The following DOCK10 variants were observed in gnomAD, a reference collection of about 807,000 sequenced individuals.
The protein encoded by DOCK10 is dedicator of cytokinesis 10.
A neutral mutation model predicts 280.1 loss-of-function variants in DOCK10; 145 were observed. The ratio of observed to expected loss-of-function variants is 0.52; its 90% confidence interval spans 0.45 to 0.59. The LOEUF (loss-of-function observed/expected upper bound fraction) is 0.59, where lower values mean the gene tolerates loss of function less well. Among genes scored for constraint, DOCK10 ranks in the 20% least tolerant of loss-of-function variants. DOCK10 has a pLI of 0.00. For synonymous variants in DOCK10, 915 were observed against 942.2 expected (o/e 0.97, Z 0.53); for missense variants, 2,368 against 2,651.7 (o/e 0.89, Z 2.35).
intron 1 of DOCK10, among the ~76,000 whole-genome samples, chr2:224,974,644 A>C (rs1235590404): frequency 6.6e-6 from 1 of 151,228 alleles, no homozygotes. Flanking sequence ...AAAAATTAAC[A>C]GACGTTTTAT....
intron 1 of DOCK10, among the ~76,000 whole-genome samples, chr2:224,969,182 G>A (rs1704942517): frequency 6.6e-6 from 1 of 152,128 alleles, no homozygotes; most frequent in African/African-American, 2.4e-5. Flanking sequence ...TCTCAAATGG[G>A]GGTACCAGAT....
chr2:224,886,520 T>C lies in DOCK10; in HGVS notation c.428A>G (p.Lys143Arg). ...DIRQLPRAEY[K>R]PEKLPSHSFE... ...GGAATGTGAAGGAAGCTTCTCTGGT[T>C]TGTATTCTGCTCTGATATTAAAAAA... The change falls in exon 5 of 56, where the codon AAA (lysine) becomes AGA (arginine). Residue 143 changes from lysine (K) to arginine (R), a missense_variant. By Grantham distance (26) the Lys-to-Arg change is conservative. This residue lies in a region of DOCK10 where 1,209 missense variants were observed against 1,250.9 expected (regional missense o/e 0.97). Transcript: ENST00000258390. 1 of 1,607,060 alleles carries C rather than the reference T, an allele frequency of 6.2e-7. No homozygotes were observed. The highest frequency in any genetic ancestry group is 1.7e-5 in the Admixed American group (1 of 59,902).
chr2:224,965,368 G>C (rs1704678189), intron 1 of DOCK10, among the ~76,000 whole-genome samples: 1 of 152,088 alleles, frequency 6.6e-6, no homozygotes, highest in African/African-American at 2.4e-5. Context: ...GGCATTCTTG[G>C]GCACCCTTTC....
intron 1 of DOCK10, among the ~76,000 whole-genome samples, chr2:224,985,469 A>T (rs1017318500): frequency 6.6e-6 from 1 of 152,014 alleles, no homozygotes. Flanking sequence ...CTTGTTTCAA[A>T]GCAGAGATAG....
chr2:224,961,604 T>C (rs1704455340), intron 1 of DOCK10, among the ~76,000 whole-genome samples: 1 of 151,328 alleles, frequency 6.6e-6, no homozygotes, highest in African/African-American at 2.4e-5. Context: ...CCTCCTGGGT[T>C]CAAGCGATTC....
At chr2:224,923,219 A>T (rs1283186541) in intron 2 of DOCK10, among the ~76,000 whole-genome samples, 1 of 152,228 alleles carries the variant, frequency 6.6e-6, no homozygotes, top group African/African-American at 2.4e-5. Context: ...ATTACTTGAT[A>T]GCAGTCATTC....
At chr2:224,848,292 A>C (rs914184406) in intron 19 of DOCK10, among the ~76,000 whole-genome samples, 1 of 152,254 alleles carries the variant, frequency 6.6e-6, no homozygotes, top group African/African-American at 2.4e-5. Context: ...AAACGTCTAC[A>C]AAAGCTGTGA....
intron 31 of DOCK10, among the ~76,000 whole-genome samples, chr2:224,812,699 A>G (rs1001760241): frequency 3.3e-5 from 5 of 152,228 alleles, no homozygotes; most frequent in East Asian, 1.9e-4. Flanking sequence ...AGCATGAAGC[A>G]TTGTTGAATT....
In DOCK10 at chr2:224,774,895, C is replaced by T. The variant is rs2124988415; in HGVS notation, c.6013+10G>A. The stretch of plus-strand genomic sequence containing the variant: ...GGTGCCACATGTGTGGCCCGGCTAC[C>T]TGCACCTACTTGTCAGGATCGTCCG... On this transcript the variant is annotated intron_variant, in intron 52 of 55. Transcript: ENST00000258390. 1.3e-6 allele frequency: 2 copies of T among 1,577,398 alleles called. No homozygotes were observed. The highest frequency in any genetic ancestry group is 1.7e-6 in the Non-Finnish European group (2 of 1,160,846).
intron 11 of DOCK10, among the ~76,000 whole-genome samples, chr2:224,868,573 G>T (rs971197254): frequency 6.6e-6 from 1 of 152,130 alleles, no homozygotes; most frequent in African/African-American, 2.4e-5. Flanking sequence ...TTTGTTAAAT[G>T]CTTAACAGTA....
At chr2:224,784,678 G>A (rs2125062845) in intron 50 of DOCK10, 1 of 1,277,734 alleles carries the variant, frequency 7.8e-7, no homozygotes, top group Non-Finnish European at 1.0e-6. Context: ...ACCATACAGA[G>A]GGAAGTGTGA....
chr2:224,974,652 T>A (rs1705296510), intron 1 of DOCK10, among the ~76,000 whole-genome samples: 1 of 151,154 alleles, frequency 6.6e-6, no homozygotes, highest in Non-Finnish European at 1.5e-5. Context: ...ACAGACGTTT[T>A]ATTAGCAGTA....
Position 224,825,677 on chromosome 2 carries a change from C to T in DOCK10, c.3037-2030G>A, listed in dbSNP as rs2125355225. 1.3e-5 allele frequency among the ~76,000 whole-genome samples: 2 copies of T among 152,332 alleles called. 1 individual carries two copies. The highest frequency in any genetic ancestry group is 4.1e-4 in the South Asian group (2 of 4,824). ...CCTTCCTCTCAAAGTCTCCTGTGGC[C>T]TACTCTCACTCTGAACCCAAAGATG... On this transcript the variant is annotated intron_variant, in intron 27 of 55. Coordinates refer to ENST00000258390, the MANE Select transcript of DOCK10 (RefSeq NM_014689.3).
At chr2:224,967,629 GCT>G (rs1704850257) in intron 1 of DOCK10, among the ~76,000 whole-genome samples, 2 of 152,028 alleles carry the variant, frequency 1.3e-5, no homozygotes, top group South Asian at 4.2e-4. Flanking sequence ...CCTCAAACTG[GCT>G]CTGTGTTGTG....
intron 55 of DOCK10, among the ~76,000 whole-genome samples, chr2:224,769,986 GA>G (rs1258711693): frequency 1.3e-5 from 2 of 152,178 alleles, no homozygotes; most frequent in Admixed American, 1.3e-4. Flanking sequence ...TTGGACTGTG[GA>G]AAGTATCTAG....
In DOCK10 at chr2:224,865,035, T is replaced by G; in HGVS notation, c.1310A>C (p.Lys437Thr). ...ATCCACATGAAAATCAGCAGAAATCTTCCTGCTGTCTCTGAGGTCATAAAG... is the reference window on the plus strand; with the variant it reads ...ATCCACATGAAAATCAGCAGAAATCGTCCTGCTGTCTCTGAGGTCATAAAG... ...VALYDLRDSR[K>T]ISADFHVDLN... The change falls in exon 12 of 56, where the codon AAG becomes ACG. Residue 437 changes from lysine (K) to threonine (T), a missense_variant. By Grantham distance (78) the Lys-to-Thr change is moderately conservative. This residue lies in a region of DOCK10 where 1,209 missense variants were observed against 1,250.9 expected (regional missense o/e 0.97). Coordinates refer to ENST00000258390, the MANE Select transcript of DOCK10 (RefSeq NM_014689.3). 6.2e-7 allele frequency: 1 copy of G among 1,614,008 alleles called. No homozygotes were observed. The highest frequency in any genetic ancestry group is 8.5e-7 in the Non-Finnish European group (1 of 1,179,906).
At chr2:224,793,688 G>A (rs1692364361) in intron 45 of DOCK10, among the ~76,000 whole-genome samples, 2 of 152,150 alleles carry the variant, frequency 1.3e-5, no homozygotes, top group South Asian at 4.1e-4. Context: ...GATGGGTGAA[G>A]GAGCTGGCCC....
intron 1 of DOCK10, among the ~76,000 whole-genome samples, chr2:224,999,162 G>A (rs1706354852): frequency 6.6e-6 from 1 of 152,132 alleles, no homozygotes; most frequent in African/African-American, 2.4e-5. Flanking sequence ...ACTTCAGCCT[G>A]GGTGACAGAG....
At chr2:224,924,351 T>G (rs34566945) in intron 2 of DOCK10, among the ~76,000 whole-genome samples, 1 of 151,958 alleles carries the variant, frequency 6.6e-6, no homozygotes, top group African/African-American at 2.4e-5. Context: ...ACTAGCATTC[T>G]CTTCTCATTT....
Sources: allele counts gnomAD v4.1 joint callset (sites outside exome capture counted in the v4.1 genomes callset), GRCh38; gene constraint gnomAD v4.1.1; regional missense constraint gnomAD v4.1.1; transcripts MANE v1.5; gene names NCBI Gene and HGNC (gene_info 2026-07-23, HGNC 2026-07-21).